Variants in MYO3A observed in about 807,000 individuals in gnomAD.
The protein encoded by MYO3A is myosin-IIIa.
Under a neutral mutation model 192.7 loss-of-function variants are expected in MYO3A, and 180 were observed. The observed-to-expected ratio is 0.93, with a 90% confidence interval of 0.83 to 1.06. The LOEUF (loss-of-function observed/expected upper bound fraction) is 1.06, where lower values mean the gene tolerates loss of function less well. MYO3A is among the 50% of genes least tolerant of loss of function. The pLI is 0.00. For synonymous variants in MYO3A, 628 were observed against 645.3 expected (o/e 0.97, Z 0.41); for missense variants, 1,896 against 1,905.0 (o/e 1.00, Z 0.09).
chr10:26,033,718 A>C (rs967000759), intron 10 of MYO3A, among the ~76,000 whole-genome samples: 1 of 152,184 alleles, frequency 6.6e-6, no homozygotes, highest in African/African-American at 2.4e-5. Flanking sequence ...ATAAATAACC[A>C]TTATACAAAG....
rs1333353956 is a variant in MYO3A, at chr10:26,114,123, C to T, written c.1777-6553C>T. On this transcript the variant is annotated intron_variant, in intron 17 of 34. Transcript: ENST00000642920. The stretch of plus-strand genomic sequence containing the variant: ...CCTCCCTCCACCCCAGCCTGCCTCC[C>T]TGTCCTTTCTCAACAGGAGCATCAA... Among the ~76,000 whole-genome samples the T allele has an allele frequency of 2.0e-5, 3 of 152,298 alleles. No individual in the cohort carries two copies. In the East Asian group the frequency reaches 5.8e-4, roughly 29 times the overall value.
intron 17 of MYO3A, among the ~76,000 whole-genome samples, chr10:26,111,660 T>A (rs915406213): frequency 6.6e-6 from 1 of 152,162 alleles, no homozygotes; most frequent in Non-Finnish European, 1.5e-5. Context: ...CAGAGCCAAT[T>A]TATTTGGGAT....
intron 14 of MYO3A, among the ~76,000 whole-genome samples, chr10:26,086,203 G>T (rs559771370): frequency 6.6e-6 from 1 of 152,118 alleles, no homozygotes; most frequent in Non-Finnish European, 1.5e-5. Context: ...GGGCAAGCAA[G>T]CACAACAAAG....
rs1396381313 is a variant in MYO3A, at chr10:26,212,487, C to G, written c.*524C>G. 1 of 172,844 alleles carries G rather than the reference C, an allele frequency of 5.8e-6. No individual in the cohort carries two copies. The highest frequency in any genetic ancestry group is 1.2e-5 in the Non-Finnish European group (1 of 82,338). The allele number at this position is 172,844 out of a possible 1,614,324, so 10.7% of individuals were successfully genotyped here. On this transcript the variant is annotated 3_prime_UTR_variant, in exon 35 of 35. Transcript: ENST00000642920. ...CATCTCAAGCTTGCTCTTTCTCTTC[C>G]TTTGGTTATTAAGGTCACTAAATAA...
intron 31 of MYO3A, among the ~76,000 whole-genome samples, chr10:26,185,727 A>G (rs1842837120): frequency 6.6e-6 from 1 of 151,838 alleles, no homozygotes; most frequent in South Asian, 2.1e-4. Flanking sequence ...TTCTCAACCC[A>G]CATTACTCAC....
At chr10:26,081,198 G>A (rs1341263641) in intron 14 of MYO3A, among the ~76,000 whole-genome samples, 2 of 146,228 alleles carry the variant, frequency 1.4e-5, no homozygotes, top group Non-Finnish European at 3.0e-5. Flanking sequence ...GGCAGGGCCA[G>A]GTGTGTCTGA....
At chr10:26,100,658 G>C (rs894734064) in intron 17 of MYO3A, among the ~76,000 whole-genome samples, 1 of 152,162 alleles carries the variant, frequency 6.6e-6, no homozygotes, top group African/African-American at 2.4e-5. Context: ...TATGTACCCA[G>C]TAGTCATTCA....
intron 26 of MYO3A, among the ~76,000 whole-genome samples, chr10:26,162,856 C>T (rs1374866119): frequency 1.3e-5 from 2 of 152,164 alleles, no homozygotes; most frequent in Admixed American, 6.5e-5. Flanking sequence ...TCAGTTGGTG[C>T]GTTTTGCATA....
At chr10:26,200,924 G>A (rs1198522296) in intron 32 of MYO3A, 3 of 155,416 alleles carry the variant, frequency 1.9e-5, no homozygotes, top group South Asian at 2.0e-4. Flanking sequence ...CATTTGTATA[G>A]AGAAATGGGC....
At chr10:26,186,613 A>G (rs1040795481) in intron 31 of MYO3A, among the ~76,000 whole-genome samples, 5 of 152,154 alleles carry the variant, frequency 3.3e-5, no homozygotes, top group Admixed American at 1.3e-4. Context: ...AGTAAATGGC[A>G]TCTTGTTTTA....
intron 31 of MYO3A, among the ~76,000 whole-genome samples, chr10:26,189,713 A>G (rs1021457412): frequency 2.0e-5 from 3 of 152,222 alleles, no homozygotes; most frequent in Non-Finnish European, 4.4e-5. Context: ...GAAAGAAAAA[A>G]GAGGCATCAT....
At chr10:26,112,365 T>C (rs1205173964) in intron 17 of MYO3A, among the ~76,000 whole-genome samples, 1 of 152,212 alleles carries the variant, frequency 6.6e-6, no homozygotes, top group Non-Finnish European at 1.5e-5. Flanking sequence ...AGTTTGGATT[T>C]GGTAGAAATA....
chr10:26,079,069 A>G (rs1835767582), intron 14 of MYO3A, among the ~76,000 whole-genome samples: 1 of 152,000 alleles, frequency 6.6e-6, no homozygotes, highest in Non-Finnish European at 1.5e-5. Flanking sequence ...TTCTTTGTTG[A>G]CTTTCTGCCT....
At chr10:26,115,883 G>A (rs1368449313) in intron 17 of MYO3A, among the ~76,000 whole-genome samples, 1 of 152,066 alleles carries the variant, frequency 6.6e-6, no homozygotes, top group African/African-American at 2.4e-5. Flanking sequence ...TTTGAATGCA[G>A]TTTGCAATCA....
chr10:26,037,381 G>T (rs781194007), intron 10 of MYO3A, among the ~76,000 whole-genome samples: 1 of 152,210 alleles, frequency 6.6e-6, no homozygotes, highest in Non-Finnish European at 1.5e-5. Context: ...AGACACAATA[G>T]TGCGTTTAGC....
Position 26,157,299 on chromosome 10 carries a change from G to T in MYO3A, c.2794-11G>T. The T allele has an allele frequency of 1.9e-6, 3 of 1,612,822 alleles. No individual in the cohort carries two copies. Among genetic ancestry groups the T allele is most frequent in the Non-Finnish European group, 8.5e-7 (1 of 1,178,912 alleles). ...CTACATTGGGAAATTTATTTTTGTT[G>T]TGTATTATAGTATTCCCTGATGGAT... On this transcript the variant is annotated splice_polypyrimidine_tract_variant and intron_variant, in intron 25 of 34. Coordinates refer to ENST00000642920, the MANE Select transcript of MYO3A (RefSeq NM_017433.5).
At chr10:26,101,530 G>A (rs1837451101) in intron 17 of MYO3A, among the ~76,000 whole-genome samples, 1 of 152,164 alleles carries the variant, frequency 6.6e-6, no homozygotes, top group South Asian at 2.1e-4. Context: ...TGCAGTGGCT[G>A]GTACCAGTTG....
chr10:26,110,868 TC>T (rs1186209362), intron 17 of MYO3A, among the ~76,000 whole-genome samples: 31 of 148,838 alleles, frequency 2.1e-4, no homozygotes, highest in African/African-American at 7.7e-4. Context: ...GGTTTTCTTT[TC>T]TTTTTTTTTT....
At chr10:26,127,998 C>T (rs1162036687) in intron 19 of MYO3A, among the ~76,000 whole-genome samples, 1 of 151,938 alleles carries the variant, frequency 6.6e-6, no homozygotes, top group Non-Finnish European at 1.5e-5. Context: ...TACTTTTTAA[C>T]AGAATTTTTG....
Sources: gnomAD v4.1 joint callset for allele counts (sites outside exome capture counted in the v4.1 genomes callset) on GRCh38, gnomAD v4.1.1 for gene constraint, MANE v1.5 for transcripts, NCBI Gene and HGNC (gene_info 2026-07-23, HGNC 2026-07-21) for gene names.